Variants in HELZ observed in about 807,000 individuals in gnomAD.
The protein encoded by HELZ is ATP-dependent RNA helicase with zinc finger domain.
HELZ carries 23 observed loss-of-function variants against 218.2 expected under a neutral mutation model. The ratio of observed to expected loss-of-function variants is 0.11; its 90% CI spans 0.08 to 0.15. HELZ has a LOEUF of 0.15. Among genes scored for constraint, HELZ ranks in the 10% least tolerant of loss-of-function variants. The pLI is 1.00. For missense variants in HELZ, 1,813 were observed against 2,353.7 expected (o/e 0.77, Z 4.75); for synonymous variants, 814 against 829.4 (o/e 0.98, Z 0.32).
At chr17:67,224,693 G>A (rs746286148) in intron 3 of HELZ, 3 of 770,606 alleles carry the variant, frequency 3.9e-6, no homozygotes, top group Non-Finnish European at 6.7e-6. Flanking sequence ...AAAAATATAA[G>A]CCTAGGTTTC....
intron 32 of HELZ, among the ~76,000 whole-genome samples, chr17:67,081,389 A>G (rs1346729901): frequency 6.6e-6 from 1 of 152,202 alleles, no homozygotes; most frequent in African/African-American, 2.4e-5. Flanking sequence ...TCTCCTCTGA[A>G]CACGGTAAAA....
At chr17:67,229,807 T>C (rs117103630) in intron 3 of HELZ, among the ~76,000 whole-genome samples, 2,649 of 152,338 alleles carry the variant, frequency 0.017, 33 homozygotes, top group Admixed American at 0.033. Flanking sequence ...CTCATTGTAC[T>C]GTACTTAATA....
At chr17:67,222,104 A>G (rs1171232089) in intron 3 of HELZ, among the ~76,000 whole-genome samples, 1 of 152,162 alleles carries the variant, frequency 6.6e-6, no homozygotes, top group Non-Finnish European at 1.5e-5. Flanking sequence ...GGCCTCCCAA[A>G]TGCTGGGATT....
intron 12 of HELZ, among the ~76,000 whole-genome samples, chr17:67,181,696 G>A (rs772869880): frequency 2.6e-5 from 4 of 151,256 alleles, no homozygotes; most frequent in Non-Finnish European, 4.4e-5. Context: ...AACTAGGGGA[G>A]CAAAAAGAAT....
intron 18 of HELZ, among the ~76,000 whole-genome samples, chr17:67,150,405 A>G (rs551861098): frequency 3.3e-5 from 5 of 152,248 alleles, no homozygotes; most frequent in Admixed American, 2.6e-4. Flanking sequence ...CTGGGATTAC[A>G]AGCATAAGCC....
At chr17:67,197,313 G>A (rs2040056622) in intron 7 of HELZ, among the ~76,000 whole-genome samples, 1 of 152,132 alleles carries the variant, frequency 6.6e-6, no homozygotes, top group Non-Finnish European at 1.5e-5. Context: ...GCCCTCCCCA[G>A]CCACATGGAA....
intron 5 of HELZ, among the ~76,000 whole-genome samples, chr17:67,207,904 G>T (rs1310977749): frequency 6.6e-6 from 1 of 152,096 alleles, no homozygotes; most frequent in Non-Finnish European, 1.5e-5. Flanking sequence ...AGCTTCTTGG[G>T]AGGCTGACTG....
Position 67,178,651 on chromosome 17 carries a change from T to G in HELZ, c.1430+8A>C. The G allele has an allele frequency of 2.5e-6, 4 of 1,596,116 alleles. No homozygotes were observed. The highest frequency in any genetic ancestry group is 3.4e-6 in the Non-Finnish European group (4 of 1,172,006). On this transcript the variant is annotated splice_region_variant and intron_variant, in intron 13 of 32. Coordinates refer to ENST00000358691, the MANE Select transcript of HELZ (RefSeq NM_014877.4). ...TTTTTGTTTTAAAGTGTTTCTAAAG[T>G]AACTTACTTGCTGATTTCTTTATAC...
At chr17:67,148,768 T>C in intron 19 of HELZ, 54 bp from the exon 20 acceptor site, 1 of 1,492,010 alleles carries the variant, frequency 6.7e-7, no homozygotes, top group East Asian at 2.3e-5. Flanking sequence ...AATAGTATTT[T>C]TTAACCTACT....
intron 32 of HELZ, among the ~76,000 whole-genome samples, chr17:67,082,858 T>C (rs796389529): frequency 7.4e-5 from 11 of 148,656 alleles, no homozygotes; most frequent in Admixed American, 7.3e-4. Context: ...TTTTTTTTTT[T>C]TGTTTTTTTT....
chr17:67,228,877 C>T (rs1444142212), intron 3 of HELZ, among the ~76,000 whole-genome samples: 1 of 152,060 alleles, frequency 6.6e-6, no homozygotes, highest in Non-Finnish European at 1.5e-5. Context: ...CGCCACCACA[C>T]CAGGCTAATT....
At position 67,215,993 on chromosome 17, in the gene HELZ, A is replaced by T. The variant is rs2040590310; in HGVS notation, c.211-58T>A. On this transcript the variant is annotated intron_variant, in intron 4 of 32. Coordinates refer to ENST00000358691, the MANE Select transcript of HELZ (RefSeq NM_014877.4). ...ATTTCAAGAGCTGCTTTTAACAGAG[A>T]TGTTGTCAAAGGGAAACTTGGCTTT... 4.1e-6 allele frequency: 4 copies of T among 982,476 alleles called. No homozygotes were observed. In the South Asian group the frequency reaches 5.5e-5, roughly 13 times the overall value. The allele number at this position is 982,476 out of a possible 1,614,324, so 60.9% of individuals were successfully genotyped here. A position where few individuals can be genotyped will look rare whatever the true frequency, so the allele number is the denominator to read the frequency against.
At chr17:67,141,703 C>CT (rs1390837228) in intron 21 of HELZ, among the ~76,000 whole-genome samples, 1 of 151,584 alleles carries the variant, frequency 6.6e-6, no homozygotes, top group East Asian at 1.9e-4. Flanking sequence ...ATTGTAAGCC[C>CT]TAAAGAAACC....
intron 1 of HELZ, chr17:67,244,914 A>C (rs2041436626): frequency 1.0e-6 from 1 of 985,686 alleles, no homozygotes; most frequent in African/African-American, 1.7e-5. Flanking sequence ...GCCCCAGCGG[A>C]GGGGAAGGGG....
At chr17:67,125,601 C>A (rs918342513) in intron 24 of HELZ, among the ~76,000 whole-genome samples, 2 of 151,800 alleles carry the variant, frequency 1.3e-5, no homozygotes, top group Non-Finnish European at 2.9e-5. Flanking sequence ...ACTCAACAAC[C>A]AGGGACAACT....
chr17:67,226,321 T>C (rs2040891595), intron 3 of HELZ, among the ~76,000 whole-genome samples: 1 of 139,484 alleles, frequency 7.2e-6, no homozygotes, highest in African/African-American at 2.6e-5. Flanking sequence ...ATAAGAAAAC[T>C]AACCAAATAA....
intron 21 of HELZ, among the ~76,000 whole-genome samples, chr17:67,145,488 G>C (rs1228797535): frequency 6.6e-6 from 1 of 151,892 alleles, no homozygotes; most frequent in Admixed American, 6.6e-5. Context: ...GAACAATCTT[G>C]GTTTTTCTTT....
Position 67,075,587 on chromosome 17 carries a change from G to A in HELZ, c.*2665C>T, listed in dbSNP as rs140986774. 1.2e-3 allele frequency: 189 copies of A among 152,294 alleles called. No homozygotes were observed. The highest frequency in any genetic ancestry group is 3.5e-3 in the African/African-American group (145 of 41,562). The allele number at this position is 152,294 out of a possible 1,614,324, so 9.4% of individuals were successfully genotyped here. On this transcript the variant is annotated 3_prime_UTR_variant, in exon 33 of 33. Transcript: ENST00000358691. The stretch of plus-strand genomic sequence containing the variant: ...TCAGAAGACACGCCTCATTTTGATG[G>A]AAACTTGCAATGATTCTTACACAAG...
At chr17:67,208,349 A>G (rs1358996469) in intron 5 of HELZ, among the ~76,000 whole-genome samples, 1 of 152,186 alleles carries the variant, frequency 6.6e-6, no homozygotes, top group East Asian at 1.9e-4. Context: ...TTCGTGGTTA[A>G]ATCAGTCTAC....
Sources: gnomAD v4.1 joint callset for allele counts (sites outside exome capture counted in the v4.1 genomes callset) on GRCh38, gnomAD v4.1.1 for gene constraint, MANE v1.5 for transcripts, NCBI Gene and HGNC (gene_info 2026-07-23, HGNC 2026-07-21) for gene names.